The following FBXW11 variants were observed in gnomAD, a reference collection of about 807,000 sequenced individuals.
FBXW11 encodes the protein F-box/WD repeat-containing protein 11.
In FBXW11, 19 loss-of-function variants were observed where a neutral mutation model predicts 77.6. The ratio of observed to expected loss-of-function variants is 0.24; its 90% confidence interval spans 0.17 to 0.36. The LOEUF (loss-of-function observed/expected upper bound fraction) is 0.36. Ranked by LOEUF, FBXW11 falls within the 10% of genes least tolerant of loss-of-function variation. FBXW11 has a pLI of 1.00. For missense variants in FBXW11, 334 were observed against 704.2 expected, an observed-to-expected ratio of 0.47 and a Z score of 5.95; for synonymous variants, 235 against 249.4, an observed-to-expected ratio of 0.94 and a Z score of 0.54.
chr5:171,925,175 A>AT (rs1761824399), intron 2 of FBXW11, among the ~76,000 whole-genome samples: 1 of 152,204 alleles, frequency 6.6e-6, no homozygotes, highest in African/African-American at 2.4e-5. Context: ...ATGCATATAT[A>AT]TAAAAATTAC....
chr5:171,892,319 C>T (rs1561655475), intron 6 of FBXW11, among the ~76,000 whole-genome samples: 1 of 152,160 alleles, frequency 6.6e-6, no homozygotes, highest in South Asian at 2.1e-4. Context: ...TTAAATGATC[C>T]ATACAATAAC....
intron 7 of FBXW11, among the ~76,000 whole-genome samples, chr5:171,882,145 G>A (rs1433355364): frequency 6.6e-6 from 1 of 152,020 alleles, no homozygotes; most frequent in African/African-American, 2.4e-5. Flanking sequence ...AGTTTCCTAA[G>A]GTGGAAGCTT....
intron 1 of FBXW11, among the ~76,000 whole-genome samples, chr5:171,994,713 C>G (rs1378169601): frequency 6.6e-6 from 1 of 152,068 alleles, no homozygotes; most frequent in East Asian, 1.9e-4. Context: ...CTACCACCAC[C>G]ACCACCACCA....
intron 3 of FBXW11, among the ~76,000 whole-genome samples, chr5:171,911,659 C>T (rs839290): frequency 0.92 from 140,419 of 152,272 alleles, 64,905 homozygotes; most frequent in East Asian, 1. Context: ...ACCTGAAAAG[C>T]TCTGCATCTT....
intron 1 of FBXW11, among the ~76,000 whole-genome samples, chr5:171,987,838 T>C (rs1765529163): frequency 6.6e-6 from 1 of 152,206 alleles, no homozygotes; most frequent in Non-Finnish European, 1.5e-5. Flanking sequence ...CCGTGATCCT[T>C]ACAAGTTTTC....
chr5:171,868,932 T>G, intron 12 of FBXW11, 136 bp from the exon 13 acceptor site: 1 of 673,516 alleles, frequency 1.5e-6, no homozygotes, highest in Non-Finnish European at 2.4e-6. Flanking sequence ...CTCACTGAAC[T>G]GTGTCCTTCA....
intron 1 of FBXW11, among the ~76,000 whole-genome samples, chr5:171,965,706 A>T (rs1186400107): frequency 6.6e-6 from 1 of 152,186 alleles, no homozygotes; most frequent in Non-Finnish European, 1.5e-5. Flanking sequence ...ATACCTTAAT[A>T]ATACCAAGTA....
chr5:171,868,515 G>C (rs1581119384), intron 13 of FBXW11, 95 bp downstream of exon 13: 1 of 1,012,560 alleles, frequency 9.9e-7, no homozygotes, highest in East Asian at 2.4e-5. Flanking sequence ...AGAGACCTTG[G>C]TTCACACATC....
chr5:171,882,992 C>T (rs1053289666), intron 7 of FBXW11, among the ~76,000 whole-genome samples: 2 of 151,660 alleles, frequency 1.3e-5, no homozygotes, highest in South Asian at 2.1e-4. Context: ...TATGCATTTG[C>T]GTCCTCATAG....
rs1335714409 is a variant in FBXW11 at position 171,870,775 on chromosome 5, T to C, written c.1424A>G (p.Lys475Arg). 1 of 1,613,942 alleles carries C rather than the reference T, an allele frequency of 6.2e-7. No individual in the cohort carries two copies. The highest frequency in any genetic ancestry group is 1.7e-5 in the Admixed American group (1 of 60,032). ...ELVRCIRFDNKRIVSGAYDGK... is the reference protein window; with the variant it reads ...ELVRCIRFDNRRIVSGAYDGK... ...ATCATAGGCCCCACTGACAATCCTC[T>C]TGTTATCAAACCGGATGCATCGGAC... The change falls in exon 11 of 14, where the codon AAG becomes AGG. Residue 475 changes from lysine to arginine, a missense_variant. Coordinates refer to ENST00000517395, the MANE Select transcript of FBXW11 (RefSeq NM_001378974.1).
At chr5:171,920,430 A>C (rs1304883740) in intron 2 of FBXW11, among the ~76,000 whole-genome samples, 1 of 151,102 alleles carries the variant, frequency 6.6e-6, no homozygotes, top group African/African-American at 2.4e-5. Context: ...AAAAAAAAAA[A>C]AAAACCCTGA....
intron 1 of FBXW11, among the ~76,000 whole-genome samples, chr5:171,963,186 TACACAC>T (rs56222437): frequency 0.79 from 119,126 of 150,556 alleles, 50,647 homozygotes; most frequent in East Asian, 0.97. Context: ...TAAATACACA[TACACAC>T]ACACACACAC....
chr5:171,936,047 G>T (rs1762458110), intron 2 of FBXW11, among the ~76,000 whole-genome samples: 1 of 149,576 alleles, frequency 6.7e-6, no homozygotes, highest in Non-Finnish European at 1.5e-5. Flanking sequence ...GGAGGCAGAG[G>T]TTGCAGTGAG....
At chr5:171,931,456 A>T (rs1355615717) in intron 2 of FBXW11, among the ~76,000 whole-genome samples, 1 of 152,222 alleles carries the variant, frequency 6.6e-6, no homozygotes, top group Non-Finnish European at 1.5e-5. Flanking sequence ...CTCATCAACA[A>T]ATGGACATCT....
chr5:171,990,388 G>C (rs951056493), intron 1 of FBXW11, among the ~76,000 whole-genome samples: 1 of 152,148 alleles, frequency 6.6e-6, no homozygotes. Flanking sequence ...TAAGAGCACT[G>C]TTACTCAAGA....
At chr5:171,977,834 C>A in intron 1 of FBXW11, 1 of 251,214 alleles carries the variant, frequency 4.0e-6, no homozygotes, top group South Asian at 3.6e-5. Context: ...ATGATTCAAT[C>A]ACCTCCCACG....
chr5:171,915,613 C>CTGTGTGTGTGTGTG (rs200618306), intron 2 of FBXW11, among the ~76,000 whole-genome samples: 6,069 of 129,506 alleles, frequency 0.047, 244 homozygotes, highest in South Asian at 0.064. Context: ...GTCACTCATT[C>CTGTGTGTGTGTGTG]TGTGTGTGTG....
intron 2 of FBXW11, among the ~76,000 whole-genome samples, chr5:171,940,541 A>G (rs558292771): frequency 1.2e-4 from 18 of 152,254 alleles, no homozygotes; most frequent in African/African-American, 4.3e-4. Context: ...TAAGCCTGGA[A>G]CATGTTGCAA....
chr5:171,947,312 A>T (rs1363745093), intron 2 of FBXW11, among the ~76,000 whole-genome samples: 1 of 152,204 alleles, frequency 6.6e-6, no homozygotes, highest in Non-Finnish European at 1.5e-5. Flanking sequence ...TATATTTCCC[A>T]GTTTTCTACA....
Sources: allele counts gnomAD v4.1 joint callset (sites outside exome capture counted in the v4.1 genomes callset), GRCh38; gene constraint gnomAD v4.1.1; transcripts MANE v1.5; gene names NCBI Gene and HGNC (gene_info 2026-07-23, HGNC 2026-07-21).